Variants in AGBL4 observed in about 807,000 individuals in gnomAD.
AGBL4 encodes the protein AGBL carboxypeptidase 4, also known as cytosolic carboxypeptidase 6.
AGBL4 carries 58 observed loss-of-function variants against 66.4 expected under a neutral mutation model. The observed-to-expected ratio is 0.87, with a 90% CI of 0.71 to 1.09. The LOEUF is 1.09. Among genes scored for constraint, AGBL4 ranks in the 50% least tolerant of loss-of-function variants. The probability of loss-of-function intolerance (pLI) is 0.00; values close to 1 mark genes in which losing one functional copy is unlikely to be tolerated. For synonymous variants in AGBL4, 234 were observed against 222.9 expected, an observed-to-expected ratio of 1.05 and a Z score of -0.44; for missense variants, 579 against 631.0, an observed-to-expected ratio of 0.92 and a Z score of 0.88.
chr1:48,864,435 T>C (rs1295483724), intron 6 of AGBL4, among the ~76,000 whole-genome samples: 3 of 152,204 alleles, frequency 2.0e-5, no homozygotes, highest in African/African-American at 7.2e-5. Context: ...CCTAGAGAAA[T>C]TCTCATACTC....
intron 5 of AGBL4, among the ~76,000 whole-genome samples, chr1:48,876,092 C>G (rs1362684140): frequency 6.6e-6 from 1 of 152,162 alleles, no homozygotes; most frequent in East Asian, 1.9e-4. Context: ...TACTTTTCCT[C>G]CATAGGGTTC....
chr1:49,413,864 A>T lies in AGBL4; in HGVS notation c.283-168000T>A, dbSNP rs371904263. The stretch of plus-strand genomic sequence containing the variant: ...TTCCCTTTCTAGTTATGTGATCTGT[A>T]ACAGGTCATTTTATCTCTGAGCTTC... On this transcript the variant is annotated intron_variant, in intron 3 of 13. Coordinates refer to ENST00000371839, the MANE Select transcript of AGBL4 (RefSeq NM_032785.4). Among the ~76,000 whole-genome samples the T allele has an allele frequency of 1.4e-3, 209 of 152,288 alleles. 1 individual carries two copies. The highest frequency in any genetic ancestry group is 4.7e-3 in the African/African-American group (196 of 41,570).
At chr1:48,560,449 A>G (rs1387886465) in intron 11 of AGBL4, among the ~76,000 whole-genome samples, 1 of 152,184 alleles carries the variant, frequency 6.6e-6, no homozygotes, top group African/African-American at 2.4e-5. Flanking sequence ...AGGTTATAGA[A>G]GGCCAGTGAG....
At chr1:49,791,855 T>C (rs1488537525) in intron 2 of AGBL4, among the ~76,000 whole-genome samples, 1 of 152,154 alleles carries the variant, frequency 6.6e-6, no homozygotes, top group Non-Finnish European at 1.5e-5. Context: ...ATTAATTTCA[T>C]ATTGCATTTC....
At chr1:49,452,618 C>A (rs952678023) in intron 3 of AGBL4, among the ~76,000 whole-genome samples, 2 of 151,814 alleles carry the variant, frequency 1.3e-5, no homozygotes, top group African/African-American at 4.8e-5. Flanking sequence ...TTTCTCATTT[C>A]ATCTACCTGA....
At chr1:48,795,952 C>A (rs1645664288) in intron 6 of AGBL4, among the ~76,000 whole-genome samples, 1 of 152,212 alleles carries the variant, frequency 6.6e-6, no homozygotes, top group Non-Finnish European at 1.5e-5. Context: ...CTGTGCCTGG[C>A]CAGTTCTATG....
At position 48,572,138 on chromosome 1, in the gene AGBL4, C is replaced by T. The variant is rs1360227915; in HGVS notation, c.1267+14866G>A. Among the ~76,000 whole-genome samples, 6 of 152,022 alleles carry T rather than the reference C, an allele frequency of 3.9e-5. No individual in the cohort carries two copies. In the South Asian group the frequency reaches 8.3e-4, roughly 21 times the overall value. On this transcript the variant is annotated intron_variant, in intron 11 of 13. Coordinates refer to ENST00000371839, the MANE Select transcript of AGBL4 (RefSeq NM_032785.4). Reference sequence around the variant, plus strand: ...AAAAGAAGGAGGCAGCAGAGTGGGGCTGAAAGGGATATGAGGAAGGACAGG... The same window carrying T: ...AAAAGAAGGAGGCAGCAGAGTGGGGTTGAAAGGGATATGAGGAAGGACAGG...
intron 1 of AGBL4, among the ~76,000 whole-genome samples, chr1:49,910,848 C>A (rs986175952): frequency 1.3e-5 from 2 of 152,012 alleles, no homozygotes; most frequent in Non-Finnish European, 2.9e-5. Context: ...CGGCGGCATG[C>A]GTCTGTAGTC....
intron 3 of AGBL4, among the ~76,000 whole-genome samples, chr1:49,322,435 C>T (rs993466234): frequency 6.6e-6 from 1 of 152,106 alleles, no homozygotes; most frequent in African/African-American, 2.4e-5. Context: ...GAATGACAGT[C>T]GTCCAAAATT....
At chr1:48,794,220 A>C (rs967764067) in intron 6 of AGBL4, among the ~76,000 whole-genome samples, 3 of 152,220 alleles carry the variant, frequency 2.0e-5, no homozygotes, top group Non-Finnish European at 2.9e-5. Flanking sequence ...CATTTGTTTC[A>C]GAAAACATTT....
At chr1:49,061,997 C>T (rs1414040099) in intron 4 of AGBL4, among the ~76,000 whole-genome samples, 1 of 152,128 alleles carries the variant, frequency 6.6e-6, no homozygotes, top group Admixed American at 6.5e-5. Flanking sequence ...GCTTGAGCTC[C>T]ACTTCCTGTC....
chr1:49,482,342 G>A (rs1193775666), intron 3 of AGBL4, among the ~76,000 whole-genome samples: 1 of 151,854 alleles, frequency 6.6e-6, no homozygotes, highest in Non-Finnish European at 1.5e-5. Flanking sequence ...CGGAAATTCA[G>A]TTTCTTCCTG....
At chr1:48,591,080 A>ACCC (rs1644909627) in intron 9 of AGBL4, 95 bp from the exon 10 acceptor site, 4 of 808,892 alleles carry the variant, frequency 4.9e-6, no homozygotes, top group African/African-American at 2.3e-5. Context: ...CCCCCCACAC[A>ACCC]CACCCACCCA....
intron 3 of AGBL4, among the ~76,000 whole-genome samples, chr1:49,495,198 A>C (rs1647430647): frequency 6.6e-6 from 1 of 152,054 alleles, no homozygotes; most frequent in South Asian, 2.1e-4. Context: ...ATCATATAAA[A>C]TTTTATCTAA....
chr1:48,914,313 T>C (rs1653403624), intron 5 of AGBL4, among the ~76,000 whole-genome samples: 1 of 152,036 alleles, frequency 6.6e-6, no homozygotes, highest in Non-Finnish European at 1.5e-5. Flanking sequence ...AAGAGGATGG[T>C]CAGCAGTGTC....
intron 3 of AGBL4, among the ~76,000 whole-genome samples, chr1:49,457,157 C>T (rs1646408176): frequency 6.6e-6 from 1 of 151,672 alleles, no homozygotes; most frequent in Non-Finnish European, 1.5e-5. Context: ...ACAGTGTTTT[C>T]CATAGTGGTT....
At chr1:49,963,071 C>G (rs116727696) in intron 1 of AGBL4, among the ~76,000 whole-genome samples, 1 of 152,106 alleles carries the variant, frequency 6.6e-6, no homozygotes, top group Non-Finnish European at 1.5e-5. Flanking sequence ...GACCATAGAA[C>G]TGAATATACA....
intron 4 of AGBL4, among the ~76,000 whole-genome samples, chr1:49,183,495 A>G (rs1187156141): frequency 1.3e-5 from 2 of 152,120 alleles, no homozygotes; most frequent in South Asian, 2.1e-4. Flanking sequence ...TCTTTGGCCT[A>G]TCACAACCCA....
At chr1:48,607,677 A>G (rs888135495) in intron 9 of AGBL4, among the ~76,000 whole-genome samples, 1 of 152,176 alleles carries the variant, frequency 6.6e-6, no homozygotes, top group Non-Finnish European at 1.5e-5. Flanking sequence ...TATCTTAGCC[A>G]TCATAAACAG....
Sources: gnomAD v4.1 joint callset for allele counts (sites outside exome capture counted in the v4.1 genomes callset) on GRCh38, gnomAD v4.1.1 for gene constraint, MANE v1.5 for transcripts, NCBI Gene and HGNC (gene_info 2026-07-23, HGNC 2026-07-21) for gene names.